The following PCDHA5 variants were observed in gnomAD, a reference collection of about 807,000 sequenced individuals.
PCDHA5 encodes the protein protocadherin alpha 5.
PCDHA5 carries 43 observed loss-of-function variants against 61.6 expected under a neutral mutation model. The ratio of observed to expected loss-of-function variants is 0.70; its 90% CI spans 0.55 to 0.90. The LOEUF (loss-of-function observed/expected upper bound fraction) is 0.90, where lower values mean the gene tolerates loss of function less well. PCDHA5 is among the 40% of genes least tolerant of loss of function. The pLI, the probability that PCDHA5 is intolerant of heterozygous loss-of-function variation, is 0.00. For synonymous variants in PCDHA5, 627 were observed against 543.9 expected, an observed-to-expected ratio of 1.15 and a Z score of -2.13; for missense variants, 1,298 against 1,222.7, an observed-to-expected ratio of 1.06 and a Z score of -0.92.
intron 1 of PCDHA5, among the ~76,000 whole-genome samples, chr5:140,899,418 C>T (rs552409062): frequency 1.3e-5 from 2 of 152,254 alleles, no homozygotes; most frequent in African/African-American, 4.8e-5. Context: ...TGAATTTTGT[C>T]AAAGGTCTTT....
At chr5:140,977,815 G>C (rs2096776039) in intron 1 of PCDHA5, among the ~76,000 whole-genome samples, 1 of 152,208 alleles carries the variant, frequency 6.6e-6, no homozygotes, top group Non-Finnish European at 1.5e-5. Context: ...ATTATTGACA[G>C]TTTTGAATGG....
At position 140,829,584 on chromosome 5, in the gene PCDHA5, G is replaced by C. The variant is rs1198811288; in HGVS notation, c.2352+5457G>C. ...GTGTCCTACTCGCTGGTGGAGCGGC[G>C]GGTGGGCGAGCGCGCGTTGTCGAGC... is the stretch of plus-strand genomic sequence containing the variant. On this transcript the variant is annotated intron_variant, in intron 1 of 3. Transcript: ENST00000529859. The C allele has an allele frequency of 4.3e-6, 7 of 1,612,242 alleles. No homozygotes were observed. In the East Asian group the frequency reaches 1.3e-4, roughly 31 times the overall value.
intron 1 of PCDHA5, chr5:140,868,367 A>T (rs1172492575): frequency 1.3e-5 from 2 of 152,208 alleles, no homozygotes; most frequent in African/African-American, 4.8e-5. Context: ...AAATGTAAAT[A>T]ACAGTAAAGA....
In PCDHA5 at chr5:140,822,945, C is replaced by T; in HGVS notation, c.1170C>T (p.Pro390=). The part of the protein sequence containing the change: ...ANGQVTCSLM[P]HVPFKLVSTF... ...GGCAGGTGACCTGCTCCCTAATGCC[C>T]CACGTTCCCTTCAAGCTGGTGTCCA... Residue 390 remains proline, a synonymous_variant, in exon 1 of 4, where the codon CCC becomes CCT. Transcript: ENST00000529859. The T allele has an allele frequency of 6.2e-7, 1 of 1,614,252 alleles. No individual in the cohort carries two copies. The highest frequency in any genetic ancestry group is 8.5e-7 in the Non-Finnish European group (1 of 1,180,052).
At chr5:140,914,228 C>T (rs2076644066) in intron 1 of PCDHA5, among the ~76,000 whole-genome samples, 1 of 152,084 alleles carries the variant, frequency 6.6e-6, no homozygotes, top group Admixed American at 6.6e-5. Flanking sequence ...AGCTCTAATA[C>T]TATTTGCTTT....
chr5:140,980,724 T>G (rs2096903192), intron 2 of PCDHA5, among the ~76,000 whole-genome samples: 1 of 152,176 alleles, frequency 6.6e-6, no homozygotes, highest in Non-Finnish European at 1.5e-5. Flanking sequence ...GGGTTTCAAT[T>G]AAGATATTAT....
intron 3 of PCDHA5, among the ~76,000 whole-genome samples, chr5:140,993,183 A>C (rs551464442): frequency 2.7e-4 from 41 of 152,298 alleles, no homozygotes; most frequent in Non-Finnish European, 5.0e-4. Flanking sequence ...ATTTCTTTAG[A>C]GGGAAACTCA....
In PCDHA5 at chr5:140,857,751, C is replaced by T. The variant is rs2044861068; in HGVS notation, c.2352+33624C>T. The T allele has an allele frequency of 3.1e-6, 5 of 1,597,310 alleles. 1 individual carries two copies. Among genetic ancestry groups the T allele is most frequent in the East Asian group, 4.5e-5 (2 of 44,822 alleles). ...AACGCTCCCGCGCTGCTGGCGTCTCCCGCTGGCAGCGCGGGCGGTGCAGTC... is the reference window on the plus strand; with the variant it reads ...AACGCTCCCGCGCTGCTGGCGTCTCTCGCTGGCAGCGCGGGCGGTGCAGTC... On this transcript the variant is annotated intron_variant, in intron 1 of 3. Coordinates refer to ENST00000529859, the MANE Select transcript of PCDHA5 (RefSeq NM_018908.3).
intron 1 of PCDHA5, among the ~76,000 whole-genome samples, chr5:140,838,075 ATAGTGTGTGTGTGTGTGTGTGTGTGTGT>A (rs1454166175): frequency 1.6e-5 from 2 of 128,136 alleles, no homozygotes; most frequent in Non-Finnish European, 3.3e-5. Flanking sequence ...TTATATATAT[ATAGTGTGTGTGTGTGTGTGTGTGTGTGT>A]GTGTGTGTGT....
At chr5:140,982,417 GA>G (rs1554244117) in intron 2 of PCDHA5, 57 bp from the exon 3 acceptor site, 1 of 1,610,428 alleles carries the variant, frequency 6.2e-7, no homozygotes, top group African/African-American at 1.3e-5. Flanking sequence ...GAGGGTGGAA[GA>G]AGAGATGGGA....
intron 3 of PCDHA5, among the ~76,000 whole-genome samples, chr5:140,997,754 G>A (rs1450156263): frequency 6.6e-6 from 1 of 151,922 alleles, no homozygotes; most frequent in Non-Finnish European, 1.5e-5. Context: ...ATCTTCTTGA[G>A]TAAGGATATA....
intron 1 of PCDHA5, among the ~76,000 whole-genome samples, chr5:140,873,346 T>C (rs1235906519): frequency 1.5e-4 from 23 of 152,226 alleles, no homozygotes; most frequent in African/African-American, 4.8e-4. Flanking sequence ...CATCTCCAGA[T>C]GAAATTTTTG....
chr5:141,008,678 G>C (rs1463545809), intron 3 of PCDHA5, among the ~76,000 whole-genome samples: 1 of 152,112 alleles, frequency 6.6e-6, no homozygotes, highest in Non-Finnish European at 1.5e-5. Flanking sequence ...ATATACTTTA[G>C]TTATTGCATG....
At chr5:140,966,638 T>A in intron 1 of PCDHA5, 2 of 1,090,114 alleles carry the variant, frequency 1.8e-6, no homozygotes, top group South Asian at 2.2e-5. Flanking sequence ...CCAGGCGCTT[T>A]CTAGAGCGTG....
chr5:140,870,845 C>T lies in PCDHA5; in HGVS notation c.2352+46718C>T, dbSNP rs782454963. ...GGAGGCGCAGTTAACAAGCTAGTAC[C>T]GCGGTCGGTGGGTGCGGGCCACGTG... On this transcript the variant is annotated intron_variant, in intron 1 of 3. Transcript: ENST00000529859. The T allele has an allele frequency of 5.0e-6, 8 of 1,613,718 alleles. No individual in the cohort carries two copies. The highest frequency in any genetic ancestry group is 6.8e-6 in the Non-Finnish European group (8 of 1,179,896).
At chr5:140,881,333 G>A (rs1554171980) in intron 1 of PCDHA5, 1 of 984,778 alleles carries the variant, frequency 1.0e-6, no homozygotes, top group Admixed American at 6.1e-5. Context: ...TAACCAGGAC[G>A]CCGATTCGGG....
intron 1 of PCDHA5, among the ~76,000 whole-genome samples, chr5:140,935,971 C>A (rs1563151362): frequency 6.7e-6 from 1 of 149,774 alleles, no homozygotes; most frequent in African/African-American, 2.5e-5. Context: ...TGGCTCACTG[C>A]AATCTCTGCC....
At chr5:140,849,060 G>GT (rs1320977554) in intron 1 of PCDHA5, 2 of 1,548,996 alleles carry the variant, frequency 1.3e-6, no homozygotes, top group Non-Finnish European at 1.8e-6. Context: ...CAACCAGCAG[G>GT]TAAAACCTCT....
intron 1 of PCDHA5, among the ~76,000 whole-genome samples, chr5:140,900,028 T>C (rs1554188848): frequency 1.3e-5 from 2 of 152,132 alleles, no homozygotes; most frequent in Admixed American, 1.3e-4. Flanking sequence ...CAGTTTGGCC[T>C]TGAATTCCTG....
Sources: allele counts gnomAD v4.1 joint callset (sites outside exome capture counted in the v4.1 genomes callset), GRCh38; gene constraint gnomAD v4.1.1; transcripts MANE v1.5; gene names NCBI Gene and HGNC (gene_info 2026-07-23, HGNC 2026-07-21).